RYR3: variants seen among roughly 807,000 people sequenced by gnomAD.
RYR3 encodes the protein ryanodine receptor 3, also known as brain ryanodine receptor-calcium release channel.
Under a neutral mutation model 584.3 loss-of-function variants are expected in RYR3, and 207 were observed. That is an observed-to-expected ratio of 0.35 (90% confidence interval 0.32 to 0.40). The LOEUF is 0.40. Ranked by LOEUF, RYR3 falls within the 10% of genes least tolerant of loss-of-function variation. RYR3 has a pLI of 1.00. For missense variants in RYR3, 5,616 were observed against 6,089.2 expected, an observed-to-expected ratio of 0.92 and a Z score of 2.59; for synonymous variants, 2,416 against 2,248.5, an observed-to-expected ratio of 1.07 and a Z score of -2.11.
At chr15:33,532,201 T>G (rs907315723) in intron 4 of RYR3, among the ~76,000 whole-genome samples, 6 of 152,200 alleles carry the variant, frequency 3.9e-5, no homozygotes, top group African/African-American at 1.4e-4. Context: ...AGTCTAATCC[T>G]AAGATGAGCA....
chr15:33,321,619 C>G (rs1465856752), intron 1 of RYR3, among the ~76,000 whole-genome samples: 1 of 152,158 alleles, frequency 6.6e-6, no homozygotes, highest in African/African-American at 2.4e-5. Flanking sequence ...TTGGATCACC[C>G]TAATTGGTTC....
chr15:33,335,795 A>G (rs1309687751), intron 1 of RYR3, among the ~76,000 whole-genome samples: 1 of 151,852 alleles, frequency 6.6e-6, no homozygotes, highest in African/African-American at 2.4e-5. Flanking sequence ...CCTGCTATTT[A>G]TGTATTTGTT....
chr15:33,530,686 A>G lies in RYR3; in HGVS notation c.354+20A>G. On this transcript the variant is annotated intron_variant, in intron 4 of 103. Transcript: ENST00000634891. ...GGAATGGTAAGCAGCTCTGGTGCCC[A>G]CTTTCATCATTCAAGGAGAAGGAAA... is the stretch of plus-strand genomic sequence containing the variant. 6.3e-7 allele frequency: 1 copy of G among 1,590,826 alleles called. No homozygotes were observed. The highest frequency in any genetic ancestry group is 2.2e-5 in the East Asian group (1 of 44,768).
chr15:33,311,075 C>G lies in RYR3; in HGVS notation c.30C>G (p.Asp10Glu). Residue 10 changes from aspartate (D) to glutamate (E), a missense_variant, in exon 1 of 104, where the codon GAC (aspartate) becomes GAG (glutamate). Physicochemically the swap from Asp to Glu is conservative, Grantham distance 45. Coordinates refer to ENST00000634891, the MANE Select transcript of RYR3 (RefSeq NM_001036.6). This position sits in a 1 kb window ranked among gnomAD's most constrained non-coding sequence, Gnocchi z 4.4. Reference sequence around the variant, plus strand: ...CCGAAGGGGGAGAAGGAGGCGAGGACGAGATCCAGTTTCTGAGGACTGTGA... The same window carrying G: ...CCGAAGGGGGAGAAGGAGGCGAGGAGGAGATCCAGTTTCTGAGGACTGTGA... Reference protein sequence around the residue: MAEGGEGGEDEIQFLRTEDE... With the variant: MAEGGEGGEEEIQFLRTEDE... The G allele has an allele frequency of 6.3e-7, 1 of 1,582,194 alleles. No individual in the cohort carries two copies. Among genetic ancestry groups the G allele is most frequent in the East Asian group, 2.4e-5 (1 of 41,058 alleles).
chr15:33,722,225 G>A (rs1052291450), intron 43 of RYR3, among the ~76,000 whole-genome samples: 7 of 152,192 alleles, frequency 4.6e-5, no homozygotes, highest in Non-Finnish European at 8.8e-5. Context: ...TGCCCTCATT[G>A]AGGTAATCAA....
chr15:33,439,820 AT>A (rs1468694624), intron 1 of RYR3, among the ~76,000 whole-genome samples: 1 of 152,246 alleles, frequency 6.6e-6, no homozygotes, highest in African/African-American at 2.4e-5. Context: ...ACACAAAAAA[AT>A]CATAGTTATG....
At chr15:33,511,879 C>T (rs963668586) in intron 3 of RYR3, among the ~76,000 whole-genome samples, 4 of 152,114 alleles carry the variant, frequency 2.6e-5, no homozygotes, top group African/African-American at 4.8e-5. Flanking sequence ...CCCGGGTTCA[C>T]GCCATTCTCC....
chr15:33,330,771 C>A (rs1482500776), intron 1 of RYR3, among the ~76,000 whole-genome samples: 1 of 152,132 alleles, frequency 6.6e-6, no homozygotes. Flanking sequence ...ACTCTAGTCC[C>A]AGGGTTATCA....
intron 3 of RYR3, among the ~76,000 whole-genome samples, chr15:33,509,906 A>G (rs568932056): frequency 1.8e-4 from 28 of 152,332 alleles, no homozygotes; most frequent in African/African-American, 6.7e-4. Context: ...ACATCATTAA[A>G]TTTTTAACTT....
chr15:33,557,701 T>C (rs2057158240), intron 10 of RYR3, among the ~76,000 whole-genome samples: 1 of 152,126 alleles, frequency 6.6e-6, no homozygotes, highest in Non-Finnish European at 1.5e-5. Context: ...ATTCCTTTCT[T>C]CATCCTTCCA....
intron 3 of RYR3, among the ~76,000 whole-genome samples, chr15:33,509,024 T>A (rs1304034322): frequency 6.6e-6 from 1 of 152,072 alleles, no homozygotes; most frequent in East Asian, 1.9e-4. Context: ...GTCCTTAGAG[T>A]GCATGTCATG....
At chr15:33,440,085 C>T (rs1376513258) in intron 1 of RYR3, among the ~76,000 whole-genome samples, 1 of 152,050 alleles carries the variant, frequency 6.6e-6, no homozygotes, top group Non-Finnish European at 1.5e-5. Context: ...CCTAGGAGCT[C>T]AAGACCAGCC....
chr15:33,612,122 G>A (rs1465997093), intron 18 of RYR3, among the ~76,000 whole-genome samples: 1 of 152,066 alleles, frequency 6.6e-6, no homozygotes, highest in African/African-American at 2.4e-5. Context: ...GAGAGGGGAG[G>A]GGTAGGTGGT....
intron 1 of RYR3, among the ~76,000 whole-genome samples, chr15:33,448,894 G>A (rs1394181742): frequency 2.0e-5 from 3 of 152,068 alleles, no homozygotes; most frequent in African/African-American, 7.2e-5. Flanking sequence ...GGAGTGTGGG[G>A]GAGAGAACGT....
chr15:33,670,613 C>CT, intron 38 of RYR3, 57 bp downstream of exon 38: 2 of 1,494,612 alleles, frequency 1.3e-6, no homozygotes, highest in Non-Finnish European at 1.8e-6. Flanking sequence ...ATTAATGTAA[C>CT]TTTTTTTAAA....
chr15:33,464,779 A>G (rs1463097697), intron 1 of RYR3, among the ~76,000 whole-genome samples: 2 of 151,848 alleles, frequency 1.3e-5, no homozygotes, highest in Non-Finnish European at 2.9e-5. Context: ...GCAAATCTCA[A>G]TTATAAGATA....
chr15:33,382,630 G>A (rs1027571168), intron 1 of RYR3, among the ~76,000 whole-genome samples: 1 of 152,176 alleles, frequency 6.6e-6, no homozygotes, highest in South Asian at 2.1e-4. Flanking sequence ...CCCAAAAAAT[G>A]ACATTTTATA....
chr15:33,855,451 G>A (rs895328746), intron 98 of RYR3, among the ~76,000 whole-genome samples: 17 of 152,196 alleles, frequency 1.1e-4, no homozygotes, highest in Middle Eastern at 3.2e-3. Context: ...TGATCCACCC[G>A]CCTCGGCCTC....
intron 1 of RYR3, among the ~76,000 whole-genome samples, chr15:33,466,306 G>GA: frequency 6.6e-6 from 1 of 152,104 alleles, no homozygotes; most frequent in Admixed American, 6.5e-5. Flanking sequence ...CTAGTGAACA[G>GA]AAAAAACAAA....
Sources: allele counts gnomAD v4.1 joint callset (sites outside exome capture counted in the v4.1 genomes callset), GRCh38; gene constraint gnomAD v4.1.1; non-coding constraint Gnocchi (gnomAD v3.1); transcripts MANE v1.5; gene names NCBI Gene and HGNC (gene_info 2026-07-23, HGNC 2026-07-21).